The following ETS1 variants were observed in gnomAD, a reference collection of about 807,000 sequenced individuals.
The protein encoded by ETS1 is ETS proto-oncogene 1, transcription factor.
In ETS1, 15 loss-of-function variants were observed where a neutral mutation model predicts 58.6. That is an observed-to-expected ratio of 0.26 (90% CI 0.17 to 0.39). ETS1 has a LOEUF of 0.39. Among genes scored for constraint, ETS1 ranks in the 10% least tolerant of loss-of-function variants. The pLI, the probability that ETS1 is intolerant of heterozygous loss-of-function variation, is 1.00. For synonymous variants in ETS1, 214 were observed against 218.2 expected (o/e 0.98, Z 0.17); for missense variants, 417 against 610.5 (o/e 0.68, Z 3.34).
chr11:128,554,392 C>T (rs985691116), intron 3 of ETS1, among the ~76,000 whole-genome samples: 4 of 151,960 alleles, frequency 2.6e-5, no homozygotes, highest in Non-Finnish European at 4.4e-5. Flanking sequence ...TGGGGTGACC[C>T]CAGCTTCCTT....
rs1565421226 is a variant in ETS1 at position 128,585,049 on chromosome 11, AAAG to A, written c.-15+2436_-15+2438del. Among the ~76,000 whole-genome samples the A allele has an allele frequency of 1.0e-3, 27 of 26,106 alleles. 4 individuals are homozygous for A. The highest frequency in any genetic ancestry group is 5.1e-3 in the African/African-American group (13 of 2,532). 17.1% of individuals were successfully genotyped at this position (26,106 alleles called of 152,430 possible). ...AAAGAAAGAAAAGAAAGAAAGAAAG[AAAG>A]AAAGAAAGAAAGAAAGAAAGAAAGA... is the stretch of plus-strand genomic sequence containing the variant. On this transcript the variant is annotated intron_variant, in intron 1 of 9. Coordinates refer to ENST00000392668, the MANE Select transcript of ETS1 (RefSeq NM_001143820.2).
chr11:128,470,196 T>A (rs1760254542), intron 8 of ETS1, among the ~76,000 whole-genome samples: 1 of 152,178 alleles, frequency 6.6e-6, no homozygotes, highest in African/African-American at 2.4e-5. Context: ...ACTGCCGAGT[T>A]CATGTCTCTT....
intron 2 of ETS1, among the ~76,000 whole-genome samples, chr11:128,559,105 T>C (rs1436751627): frequency 1.3e-5 from 2 of 152,208 alleles, no homozygotes; most frequent in Admixed American, 1.3e-4. Context: ...TAGTAGGTAG[T>C]TGGTTCTTTT....
intron 3 of ETS1, chr11:128,521,997 T>A: frequency 1.3e-6 from 2 of 1,590,650 alleles, no homozygotes; most frequent in Non-Finnish European, 1.7e-6. Flanking sequence ...GCCTTCATGG[T>A]GCCAGGAGTG....
chr11:128,558,240 G>C (rs1290625003), intron 2 of ETS1, among the ~76,000 whole-genome samples: 1 of 152,182 alleles, frequency 6.6e-6, no homozygotes, highest in Non-Finnish European at 1.5e-5. Flanking sequence ...GTTGCCAGGG[G>C]CCTTGATGAG....
At chr11:128,576,425 G>A (rs1864750520) in intron 1 of ETS1, among the ~76,000 whole-genome samples, 1 of 151,828 alleles carries the variant, frequency 6.6e-6, no homozygotes, top group Admixed American at 6.6e-5. Context: ...TTGAACATCA[G>A]CTGCACCAAC....
At position 128,561,676 on chromosome 11, in the gene ETS1, G is replaced by A. The variant is rs544343991; in HGVS notation, c.70-5241C>T. ...ATTGGTCATAGGAGATGAAGAGAGG[G>A]AAATCCAAGATGCCACTTAGATTGC... On this transcript the variant is annotated intron_variant, in intron 2 of 9. Coordinates refer to ENST00000392668, the MANE Select transcript of ETS1 (RefSeq NM_001143820.2). Among the ~76,000 whole-genome samples the A allele has an allele frequency of 9.9e-5, 15 of 152,278 alleles. No homozygotes were observed. In the East Asian group the frequency reaches 2.7e-3, roughly 27 times the overall value.
chr11:128,497,927 G>A (rs1424725692), intron 3 of ETS1, among the ~76,000 whole-genome samples: 18 of 152,012 alleles, frequency 1.2e-4, no homozygotes, highest in Admixed American at 7.2e-4. Flanking sequence ...AAATTTTCTC[G>A]CTCATTCCTT....
At chr11:128,487,310 C>T (rs919575460) in intron 5 of ETS1, among the ~76,000 whole-genome samples, 1 of 152,216 alleles carries the variant, frequency 6.6e-6, no homozygotes, top group Non-Finnish European at 1.5e-5. Context: ...GACTTATATC[C>T]TAATTCTCTT....
intron 3 of ETS1, among the ~76,000 whole-genome samples, chr11:128,532,689 T>A (rs906279268): frequency 6.6e-6 from 1 of 151,506 alleles, no homozygotes; most frequent in Non-Finnish European, 1.5e-5. Flanking sequence ...TTTGGGGAGG[T>A]TTGGGCAGTG....
intron 3 of ETS1, among the ~76,000 whole-genome samples, chr11:128,504,072 G>A (rs1033126861): frequency 6.6e-6 from 1 of 152,184 alleles, no homozygotes; most frequent in East Asian, 1.9e-4. Flanking sequence ...GGCAATAATT[G>A]TGGGGACCCA....
chr11:128,559,317 G>A (rs772112048), intron 2 of ETS1, among the ~76,000 whole-genome samples: 7 of 152,246 alleles, frequency 4.6e-5, no homozygotes, highest in Non-Finnish European at 7.3e-5. Context: ...CGGTAAGTAG[G>A]TAGGGCACAA....
intron 7 of ETS1, among the ~76,000 whole-genome samples, 160 bp from the exon 8 acceptor site, chr11:128,480,611 T>C (rs1364719187): frequency 2.0e-5 from 3 of 151,944 alleles, no homozygotes; most frequent in Admixed American, 2.0e-4. Flanking sequence ...TCAGGGGTCA[T>C]GGGTTTACTC....
At chr11:128,490,284 G>A (rs1353357605) in intron 4 of ETS1, among the ~76,000 whole-genome samples, 173 bp downstream of exon 4, 4 of 152,158 alleles carry the variant, frequency 2.6e-5, no homozygotes, top group South Asian at 2.1e-4. Flanking sequence ...CCCAGGAGAC[G>A]GGGCAGCCTC....
chr11:128,484,437 A>G (rs1426869549), intron 7 of ETS1, among the ~76,000 whole-genome samples: 3 of 152,168 alleles, frequency 2.0e-5, no homozygotes, highest in African/African-American at 7.2e-5. Flanking sequence ...GACACATGCT[A>G]AGCTTAAGGG....
chr11:128,573,966 A>G (rs1864691317), intron 1 of ETS1, among the ~76,000 whole-genome samples: 1 of 152,232 alleles, frequency 6.6e-6, no homozygotes, highest in Non-Finnish European at 1.5e-5. Flanking sequence ...ATTGTTAGGA[A>G]GTGACGCTTT....
At chr11:128,548,043 C>A (rs922710178) in intron 3 of ETS1, among the ~76,000 whole-genome samples, 3 of 139,042 alleles carry the variant, frequency 2.2e-5, no homozygotes, top group South Asian at 2.3e-4. Context: ...GAAGATGGAA[C>A]CTGGAGGCAT....
intron 3 of ETS1, among the ~76,000 whole-genome samples, chr11:128,517,467 T>A (rs2135511415): frequency 6.6e-6 from 1 of 152,348 alleles, no homozygotes; most frequent in East Asian, 1.9e-4. Flanking sequence ...TCAGAGTAAG[T>A]GTGAAGCATA....
Position 128,585,106 on chromosome 11 carries a change from AGGAAGGAAG to A in ETS1, c.-15+2373_-15+2381del, listed in dbSNP as rs1565421563. ...AGAAAGAAAGGAAAGAAAGAAAGGA[AGGAAGGAAG>A]GAAAGAAAGAAGAAAGAAAGAAAAG... On this transcript the variant is annotated intron_variant, in intron 1 of 9. Coordinates refer to ENST00000392668, the MANE Select transcript of ETS1 (RefSeq NM_001143820.2). 8.2e-4 allele frequency among the ~76,000 whole-genome samples: 21 copies of A among 25,574 alleles called. 2 individuals are homozygous for A. The highest frequency in any genetic ancestry group is 5.3e-3 in the African/African-American group (15 of 2,820). The allele number at this position is 25,574 out of a possible 152,430, so 16.8% of individuals were successfully genotyped here. A position where few individuals can be genotyped will look rare whatever the true frequency, so the allele number is the denominator to read the frequency against.
Sources: gnomAD v4.1 joint callset for allele counts (sites outside exome capture counted in the v4.1 genomes callset) on GRCh38, gnomAD v4.1.1 for gene constraint, MANE v1.5 for transcripts, NCBI Gene and HGNC (gene_info 2026-07-23, HGNC 2026-07-21) for gene names.